PIGR: variants seen among roughly 807,000 people sequenced by gnomAD.
PIGR encodes the protein hepatocellular carcinoma associated protein TB6.
Under a neutral mutation model 69.5 loss-of-function variants are expected in PIGR, and 22 were observed. The observed-to-expected ratio is 0.32, with a 90% CI of 0.23 to 0.45. The LOEUF is 0.45. Ranked by LOEUF, PIGR falls within the 20% of genes least tolerant of loss-of-function variation. PIGR has a pLI of 1.00. For missense variants in PIGR, 885 were observed against 974.0 expected (o/e 0.91, Z 1.22); for synonymous variants, 413 against 407.6 (o/e 1.01, Z -0.16).
In PIGR at chr1:206,939,130, T is replaced by C; in HGVS notation, c.377A>G (p.Glu126Gly). ...GCTTGGATCCTTACCCTGGCTGACC[T>C]CCAGGCTGACATCAAAGGACAGGCC... ...SRGLSFDVSLEVSQGPGLLND... is the reference protein window; with the variant it reads ...SRGLSFDVSLGVSQGPGLLND... Residue 126 changes from glutamate to glycine, a missense_variant, in exon 3 of 11, where the codon GAG becomes GGG. Physicochemically the swap from Glu to Gly is moderately conservative, Grantham distance 98 (BLOSUM62 -2). Transcript: ENST00000356495. 1.2e-6 allele frequency: 2 copies of C among 1,608,070 alleles called. No homozygotes were observed. The highest frequency in any genetic ancestry group is 1.7e-6 in the Non-Finnish European group (2 of 1,175,196).
intron 8 of PIGR, 66 bp from the exon 9 acceptor site, chr1:206,931,868 G>A: frequency 6.3e-7 from 1 of 1,586,096 alleles, no homozygotes; most frequent in Non-Finnish European, 8.6e-7. Flanking sequence ...AGGCTGGGCT[G>A]CTTCTCTCTG....
intron 3 of PIGR, among the ~76,000 whole-genome samples, chr1:206,938,685 A>T (rs1679916855): frequency 6.6e-6 from 1 of 152,204 alleles, no homozygotes; most frequent in South Asian, 2.1e-4. Context: ...GGTTAAAAAA[A>T]AAATATGCAT....
intron 1 of PIGR, among the ~76,000 whole-genome samples, chr1:206,941,379 A>G (rs1679981642): frequency 1.3e-5 from 2 of 152,194 alleles, no homozygotes; most frequent in African/African-American, 4.8e-5. Flanking sequence ...ATACAAGAGC[A>G]TGCTTTTACC....
Position 206,931,545 on chromosome 1 carries a change from G to A in PIGR, c.2151C>T (p.Ala717=), listed in dbSNP as rs1281645066. ...TGGTCTCTGTGGTGCTCTCAGTGGT[G>A]GCAACAAACTCTGTGTGAAGAAAGA... ...TSLGGKEEFV[A]TTESTTETKE... The change falls in exon 10 of 11, where the codon GCC becomes GCT. Residue 717 remains alanine, a synonymous_variant. Coordinates refer to ENST00000356495, the MANE Select transcript of PIGR (RefSeq NM_002644.4). 6.2e-7 allele frequency: 1 copy of A among 1,613,856 alleles called. No individual in the cohort carries two copies. The highest frequency in any genetic ancestry group is 8.5e-7 in the Non-Finnish European group (1 of 1,180,014).
chr1:206,935,400 C>T lies in PIGR; in HGVS notation c.1378+86G>A, dbSNP rs2275532. The T allele has an allele frequency of 1.5e-3, 1,807 of 1,167,268 alleles. 50 individuals carry two copies. The East Asian group carries it at 0.037, about 24-fold the overall frequency. The allele number at this position is 1,167,268 out of a possible 1,614,324, so 72.3% of individuals were successfully genotyped here. ...GAGGTCTGGCCCATCAGGGTGGAGG[C>T]GGGTGAAAAAGGAGGAAGAGTGGTT... is the stretch of plus-strand genomic sequence containing the variant. On this transcript the variant is annotated intron_variant, in intron 5 of 10. Coordinates refer to ENST00000356495, the MANE Select transcript of PIGR (RefSeq NM_002644.4). The surrounding 1 kb of genome is among the most constrained non-coding windows in gnomAD (Gnocchi z 4.4).
chr1:206,931,842 T>A, intron 8 of PIGR, 40 bp from the exon 9 acceptor site: 1 of 1,612,764 alleles, frequency 6.2e-7, no homozygotes, highest in Non-Finnish European at 8.5e-7. Context: ...GGACAGGGGC[T>A]GGGACCTAGA....
At position 206,935,932 on chromosome 1, in the gene PIGR, G is replaced by A. The variant is rs899804727; in HGVS notation, c.1046-114C>T. ...CCAGGATGGGGAGTGAAGTTTACAC[G>A]CATCACCTTACCCTCTTCAGAAAAT... On this transcript the variant is annotated intron_variant, in intron 4 of 10. Coordinates refer to ENST00000356495, the MANE Select transcript of PIGR (RefSeq NM_002644.4). The surrounding 1 kb of genome is among the most constrained non-coding windows in gnomAD (Gnocchi z 4.4). The A allele has an allele frequency of 1.7e-5, 12 of 707,358 alleles. No homozygotes were observed. Among genetic ancestry groups the A allele is most frequent in the African/African-American group, 7.1e-5 (4 of 56,530 alleles). The allele number at this position is 707,358 out of a possible 1,614,324, so 43.8% of individuals were successfully genotyped here.
At position 206,935,215 on chromosome 1, in the gene PIGR, A is replaced by G. The variant is rs1186924835; in HGVS notation, c.1378+271T>C. On this transcript the variant is annotated intron_variant, in intron 5 of 10. Coordinates refer to ENST00000356495, the MANE Select transcript of PIGR (RefSeq NM_002644.4). This position sits in a 1 kb window ranked among gnomAD's most constrained non-coding sequence, Gnocchi z 4.4. ...CTCTTCCTTCTCTTCTAGACTCAAT[A>G]CAAAGAGGTATCTGCAATCCTTGAC... Among the ~76,000 whole-genome samples the G allele has an allele frequency of 6.6e-6, 1 of 152,156 alleles. No homozygotes were observed. Among genetic ancestry groups the G allele is most frequent in the African/African-American group, 2.4e-5 (1 of 41,414 alleles).
chr1:206,945,508 T>C (rs1178954752), intron 1 of PIGR, among the ~76,000 whole-genome samples: 1 of 152,226 alleles, frequency 6.6e-6, no homozygotes, highest in South Asian at 2.1e-4. Flanking sequence ...TTGATCATGC[T>C]GCCTGTGGGG....
Position 206,939,439 on chromosome 1 carries a change from A to C in PIGR, c.68T>G (p.Phe23Cys). The change falls in exon 3 of 11, where the codon TTT becomes TGT. Residue 23 changes from phenylalanine (F) to cysteine (C), a missense_variant. Physicochemically the swap from Phe to Cys is radical, Grantham distance 205. Coordinates refer to ENST00000356495, the MANE Select transcript of PIGR (RefSeq NM_002644.4). The part of the protein sequence containing the change: ...FPAISTKSPI[F>C]GPEEVNSVEG... Reference sequence around the variant, plus strand: ...CACACTATTCACCTCCTCGGGACCAAATATGGGACTCTTCGTGGAGATGGC... The same window carrying C: ...CACACTATTCACCTCCTCGGGACCACATATGGGACTCTTCGTGGAGATGGC... The C allele has an allele frequency of 1.2e-6, 2 of 1,603,642 alleles. No individual in the cohort carries two copies. The highest frequency in any genetic ancestry group is 1.7e-6 in the Non-Finnish European group (2 of 1,171,480).
rs770649396 is a variant in PIGR at position 206,939,353 on chromosome 1, G to C, written c.154C>G (p.Arg52Gly). The C allele has an allele frequency of 6.2e-7, 1 of 1,614,096 alleles. No individual in the cohort carries two copies. The highest frequency in any genetic ancestry group is 8.5e-7 in the Non-Finnish European group (1 of 1,180,032). Residue 52 changes from arginine to glycine, a missense_variant, in exon 3 of 11, where the codon CGG becomes GGG. Transcript: ENST00000356495. ...GCTCCCTGCCGGCACCAGTACTTCC[G>C]GGTGTGCCGGTTGACAGAGGTGGGT... ...YPPTSVNRHT[R>G]KYWCRQGARG... is the part of the protein sequence containing the mutation.
Position 206,932,834 on chromosome 1 carries a change from C to G in PIGR, c.1886+152G>C. ...AGCCATGGGAGAAGGGCAGAGGGTA[C>G]CATAGGACCCTCCCACATATAAGCA... On this transcript the variant is annotated intron_variant, in intron 7 of 10. Coordinates refer to ENST00000356495, the MANE Select transcript of PIGR (RefSeq NM_002644.4). 7 of 827,424 alleles carry G rather than the reference C, an allele frequency of 8.5e-6. No individual in the cohort carries two copies. In the South Asian group the frequency reaches 1.2e-4, roughly 14 times the overall value. The allele number at this position is 827,424 out of a possible 1,614,324, so 51.3% of individuals were successfully genotyped here. A position where few individuals can be genotyped will look rare whatever the true frequency, so the allele number is the denominator to read the frequency against.
intron 5 of PIGR, among the ~76,000 whole-genome samples, chr1:206,934,991 T>C (rs1454918570): frequency 6.6e-6 from 1 of 152,228 alleles, no homozygotes; most frequent in African/African-American, 2.4e-5. Context: ...CCCAAGGTGC[T>C]GAGATTACAG....
chr1:206,938,221 T>C (rs966868080), intron 3 of PIGR, among the ~76,000 whole-genome samples: 2 of 152,232 alleles, frequency 1.3e-5, no homozygotes, highest in Non-Finnish European at 2.9e-5. Context: ...AGAGTCTAAA[T>C]GTGAAATGGG....
chr1:206,942,167 G>A (rs147212321), intron 1 of PIGR, among the ~76,000 whole-genome samples: 1 of 152,362 alleles, frequency 6.6e-6, no homozygotes, highest in African/African-American at 2.4e-5. Flanking sequence ...ACAAATATGG[G>A]TGTCAGATGG....
chr1:206,934,740 G>T lies in PIGR; in HGVS notation c.1385C>A (p.Pro462Gln). Residue 462 changes from proline (P) to glutamine (Q), a missense_variant, in exon 6 of 11, where the codon CCA (proline) becomes CAA (glutamine). Transcript: ENST00000356495. ...GACATTCCCTGGTACCTTGAGGTTT[G>T]GTTCTCCTGGAGGAGGGAGGGAGGT... ...TVEIKIIEGE[P>Q]NLKVPGNVTA... 3.7e-6 allele frequency: 6 copies of T among 1,603,448 alleles called. No individual in the cohort carries two copies. Among genetic ancestry groups the T allele is most frequent in the Non-Finnish European group, 5.1e-6 (6 of 1,177,950 alleles).
In PIGR at chr1:206,939,432, G is replaced by A. The variant is rs190452650; in HGVS notation, c.75C>T (p.Pro25=). 19 of 1,608,836 alleles carry A rather than the reference G, an allele frequency of 1.2e-5. No individual in the cohort carries two copies. The highest frequency in any genetic ancestry group is 1.7e-4 in the Middle Eastern group (1 of 6,046). ...TACCTTCCACACTATTCACCTCCTC[G>A]GGACCAAATATGGGACTCTTCGTGG... The part of the protein sequence containing the change: ...AISTKSPIFG[P]EEVNSVEGNS... Residue 25 remains proline (P), a synonymous_variant, in exon 3 of 11, where the codon CCC becomes CCT. Coordinates refer to ENST00000356495, the MANE Select transcript of PIGR (RefSeq NM_002644.4).
chr1:206,945,567 C>A (rs1680088269), intron 1 of PIGR, among the ~76,000 whole-genome samples: 1 of 152,156 alleles, frequency 6.6e-6, no homozygotes, highest in Non-Finnish European at 1.5e-5. Flanking sequence ...TTTTTTTCTA[C>A]CTCTAGGAAG....
chr1:206,934,420 C>T lies in PIGR; in HGVS notation c.1705G>A (p.Gly569Arg). 2 of 1,611,906 alleles carry T rather than the reference C, an allele frequency of 1.2e-6. No individual in the cohort carries two copies. Among genetic ancestry groups the T allele is most frequent in the Non-Finnish European group, 8.5e-7 (1 of 1,178,426 alleles). Residue 569 changes from glycine (G) to arginine (R), a missense_variant and splice_region_variant, in exon 6 of 11, where the codon GGG (glycine) becomes AGG (arginine). By Grantham distance (125) the Gly-to-Arg change is moderately radical (BLOSUM62 -2). Transcript: ENST00000356495. ...GCAGGCCCTGTCCTTGGAGACTCAC[C>T]CGCTGCCTTCCTCTCTTCAACTGCC... ...YVAVEERKAA[G>R]SRDVSLAKAD...
Sources: allele counts gnomAD v4.1 joint callset (sites outside exome capture counted in the v4.1 genomes callset), GRCh38; gene constraint gnomAD v4.1.1; non-coding constraint Gnocchi (gnomAD v3.1); transcripts MANE v1.5; gene names NCBI Gene and HGNC (gene_info 2026-07-23, HGNC 2026-07-21).